The following MACC1 variants were observed in gnomAD, a reference collection of about 807,000 sequenced individuals.
The protein encoded by MACC1 is MET transcriptional regulator MACC1.
Under a neutral mutation model 70.7 loss-of-function variants are expected in MACC1, and 79 were observed. The observed-to-expected ratio is 1.12, with a 90% confidence interval of 0.93 to 1.35. The LOEUF is 1.35. MACC1 is among the 40% of genes most tolerant of loss of function. The probability of loss-of-function intolerance (pLI) is 0.00; values close to 1 mark genes in which losing one functional copy is unlikely to be tolerated. For missense variants in MACC1, 1,106 were observed against 978.1 expected (o/e 1.13, Z -1.74); for synonymous variants, 361 against 347.2 (o/e 1.04, Z -0.44).
intron 6 of MACC1, among the ~76,000 whole-genome samples, chr7:20,149,792 C>G (rs935984832): frequency 1.3e-5 from 2 of 152,186 alleles, no homozygotes; most frequent in African/African-American, 4.8e-5. Context: ...ACCCATCCTT[C>G]AAAGCTAGCA....
At position 20,161,873 on chromosome 7, in the gene MACC1, A is replaced by G. The variant is rs767541248; in HGVS notation, c.-8-3T>C. 2.6e-6 allele frequency: 4 copies of G among 1,550,984 alleles called. No homozygotes were observed. The highest frequency in any genetic ancestry group is 3.3e-5 in the Admixed American group (2 of 59,838). ...TTCAGTGATTAGCATTTTTCCACCT[A>G]CAAAGTAAATAGATAAGTATTTTTT... On this transcript the variant is annotated splice_polypyrimidine_tract_variant and splice_region_variant and intron_variant, in intron 3 of 6. Coordinates refer to ENST00000400331, the MANE Select transcript of MACC1 (RefSeq NM_182762.4).
intron 6 of MACC1, among the ~76,000 whole-genome samples, chr7:20,146,674 G>C (rs3779504): frequency 0.013 from 2,023 of 152,264 alleles, 42 homozygotes; most frequent in Admixed American, 0.04. Context: ...AAAAATAGTT[G>C]TTCCTCTCTT....
At chr7:20,198,571 T>G (rs999820589) in intron 1 of MACC1, 44 of 152,252 alleles carry the variant, frequency 2.9e-4, no homozygotes, top group African/African-American at 1.0e-3. Flanking sequence ...GATTATTCAA[T>G]TGTATCTTGA....
intron 1 of MACC1, among the ~76,000 whole-genome samples, chr7:20,186,946 T>C (rs1489356488): frequency 6.6e-6 from 1 of 152,070 alleles, no homozygotes; most frequent in African/African-American, 2.4e-5. Context: ...CAAAACAAAA[T>C]ACATAGAATA....
intron 1 of MACC1, among the ~76,000 whole-genome samples, chr7:20,192,380 A>G (rs1027162003): frequency 1.3e-5 from 2 of 152,188 alleles, no homozygotes; most frequent in South Asian, 2.1e-4. Context: ...AATAAGATAT[A>G]GGAAAACCGC....
intron 1 of MACC1, among the ~76,000 whole-genome samples, chr7:20,210,187 C>T (rs1428962032): frequency 6.6e-6 from 1 of 152,142 alleles, no homozygotes; most frequent in Non-Finnish European, 1.5e-5. Flanking sequence ...CTATAGTGAA[C>T]ATGCAACACT....
At position 20,139,411 on chromosome 7, in the gene MACC1, A is replaced by T. The variant is rs952603223; in HGVS notation, c.*1535T>A. 6.6e-6 allele frequency: 1 copy of T among 151,332 alleles called. No homozygotes were observed. Among genetic ancestry groups the T allele is most frequent in the Admixed American group, 6.6e-5 (1 of 15,062 alleles). 9.4% of individuals were successfully genotyped at this position (151,332 alleles called of 1,614,324 possible). ...ATTTCCCTGACCCACCCCCACTTCC[A>T]GTTTCACATGATGGCATCTCTACGT... is the stretch of plus-strand genomic sequence containing the variant. On this transcript the variant is annotated 3_prime_UTR_variant, in exon 7 of 7. Coordinates refer to ENST00000400331, the MANE Select transcript of MACC1 (RefSeq NM_182762.4).
At chr7:20,155,174 A>G (rs1782037501) in intron 5 of MACC1, among the ~76,000 whole-genome samples, 1 of 152,284 alleles carries the variant, frequency 6.6e-6, no homozygotes, top group South Asian at 2.1e-4. Flanking sequence ...GATTACATCT[A>G]TCTATACCTC....
At chr7:20,215,732 C>A (rs1403769855) in intron 1 of MACC1, among the ~76,000 whole-genome samples, 1 of 152,194 alleles carries the variant, frequency 6.6e-6, no homozygotes, top group Non-Finnish European at 1.5e-5. Context: ...GACATGTCTT[C>A]AAGTTCAAAA....
At chr7:20,180,892 G>T (rs1380626349) in intron 1 of MACC1, among the ~76,000 whole-genome samples, 2 of 152,026 alleles carry the variant, frequency 1.3e-5, no homozygotes, top group African/African-American at 4.8e-5. Context: ...GATTCATTAA[G>T]AAGGCAAATA....
At chr7:20,201,087 G>T (rs1782827012) in intron 1 of MACC1, among the ~76,000 whole-genome samples, 1 of 152,118 alleles carries the variant, frequency 6.6e-6, no homozygotes, top group East Asian at 1.9e-4. Flanking sequence ...CTGAATTGGT[G>T]AATCAAATTT....
At chr7:20,170,494 C>G (rs1210767567) in intron 2 of MACC1, 1 of 152,142 alleles carries the variant, frequency 6.6e-6, no homozygotes, top group Non-Finnish European at 1.5e-5. Context: ...GTCATTTTAG[C>G]TTAACAGATT....
intron 1 of MACC1, among the ~76,000 whole-genome samples, chr7:20,182,634 C>A (rs910554007): frequency 8.5e-5 from 13 of 152,256 alleles, no homozygotes; most frequent in African/African-American, 2.9e-4. Context: ...TGGGAACAAA[C>A]AGTGCGAAGA....
In MACC1 at chr7:20,140,802, TACACAC is replaced by T. The variant is rs10555255; in HGVS notation, c.*138_*143del. On this transcript the variant is annotated 3_prime_UTR_variant, in exon 7 of 7. Coordinates refer to ENST00000400331, the MANE Select transcript of MACC1 (RefSeq NM_182762.4). ...TGCTTTTCTGAGATTCTTTCTTTCC[TACACAC>T]ACACACACACACACACAGACACACA... The T allele has an allele frequency of 1.3e-3, 572 of 453,572 alleles. No individual in the cohort carries two copies. The highest frequency in any genetic ancestry group is 1.7e-3 in the Non-Finnish European group (444 of 266,646). 28.1% of individuals were successfully genotyped at this position (453,572 alleles called of 1,614,324 possible).
intron 1 of MACC1, among the ~76,000 whole-genome samples, chr7:20,189,811 A>T (rs112202140): frequency 8.6e-5 from 13 of 151,880 alleles, no homozygotes; most frequent in Admixed American, 1.3e-4. Context: ...GAGAGAGAGT[A>T]AAAGAAAGAC....
chr7:20,202,610 ACTAT>A (rs1296539207), intron 1 of MACC1, among the ~76,000 whole-genome samples: 1 of 152,240 alleles, frequency 6.6e-6, no homozygotes, highest in Non-Finnish European at 1.5e-5. Flanking sequence ...TAAATGATTT[ACTAT>A]CTGTGATGAG....
chr7:20,156,942 C>T (rs962561514), intron 5 of MACC1, among the ~76,000 whole-genome samples: 11 of 152,288 alleles, frequency 7.2e-5, no homozygotes, highest in African/African-American at 2.2e-4. Context: ...ATATTTAATA[C>T]AAATACCTAC....
chr7:20,184,283 T>C (rs1182391987), intron 1 of MACC1, among the ~76,000 whole-genome samples: 3 of 152,130 alleles, frequency 2.0e-5, no homozygotes, highest in African/African-American at 7.2e-5. Flanking sequence ...ACCCCAAGAT[T>C]AACAACATCT....
rs978960925 is a variant in MACC1, at chr7:20,140,749, G to T, written c.*197C>A. On this transcript the variant is annotated 3_prime_UTR_variant, in exon 7 of 7. Coordinates refer to ENST00000400331, the MANE Select transcript of MACC1 (RefSeq NM_182762.4). The stretch of plus-strand genomic sequence containing the variant: ...TGCTTTCATCAGGAAAAAAAAACTG[G>T]TTTTGAGCATGAAGAAAATTAATAT... 9.2e-6 allele frequency: 4 copies of T among 437,022 alleles called. No homozygotes were observed. Among genetic ancestry groups the T allele is most frequent in the Non-Finnish European group, 1.6e-5 (4 of 253,210 alleles). 27.1% of individuals were successfully genotyped at this position (437,022 alleles called of 1,614,324 possible).
Sources: gnomAD v4.1 joint callset for allele counts (sites outside exome capture counted in the v4.1 genomes callset) on GRCh38, gnomAD v4.1.1 for gene constraint, MANE v1.5 for transcripts, NCBI Gene and HGNC (gene_info 2026-07-23, HGNC 2026-07-21) for gene names.